The following RAD51B variants were observed in gnomAD, a reference collection of about 807,000 sequenced individuals.
RAD51B encodes the protein DNA repair protein RAD51 homolog 2.
Under a neutral mutation model 42.2 loss-of-function variants are expected in RAD51B, and 38 were observed. That is an observed-to-expected ratio of 0.90 (90% CI 0.70 to 1.18). The LOEUF is 1.18. Among genes scored for constraint, RAD51B ranks in the 50% most tolerant of loss-of-function variants. RAD51B has a pLI of 0.00. For missense variants in RAD51B, 373 were observed against 400.7 expected, an observed-to-expected ratio of 0.93 and a Z score of 0.59; for synonymous variants, 154 against 145.2, an observed-to-expected ratio of 1.06 and a Z score of -0.43.
intron 5 of RAD51B, among the ~76,000 whole-genome samples, chr14:67,883,304 TAA>T (rs35677863): frequency 6.5e-4 from 91 of 139,200 alleles, no homozygotes; most frequent in Non-Finnish European, 6.9e-4. Context: ...AAATAAAAGC[TAA>T]AAAAAAAAAA....
At chr14:68,654,734 A>G (rs1278608176) in intron 11 of RAD51B, among the ~76,000 whole-genome samples, 2 of 152,184 alleles carry the variant, frequency 1.3e-5, no homozygotes, top group South Asian at 2.1e-4. Context: ...TGCCAGCTCC[A>G]TGACCAGGCC....
chr14:68,411,522 A>T lies in RAD51B; in HGVS notation c.952A>T (p.Arg318Ter), dbSNP rs1195672168. ...LILQYLDSERRQILIAKSPLA... is the reference protein window; with the variant it reads ...LILQYLDSER ...CCTCCAGTACCTTGATTCAGAGAGA[A>T]GACAGGTGGGTGCTTTGACAGTATT... is the stretch of plus-strand genomic sequence containing the variant. Residue 318 changes from arginine to a stop codon, truncating the protein, a stop_gained, in exon 9 of 11, where the codon AGA becomes TGA. Transcript: ENST00000471583. LOFTEE classifies it high-confidence loss of function. 3 of 1,613,626 alleles carry T rather than the reference A, an allele frequency of 1.9e-6. No homozygotes were observed. The highest frequency in any genetic ancestry group is 2.5e-6 in the Non-Finnish European group (3 of 1,179,668).
chr14:68,072,254 TA>T (rs1368928809), intron 7 of RAD51B, among the ~76,000 whole-genome samples: 1 of 146,812 alleles, frequency 6.8e-6, no homozygotes, highest in Non-Finnish European at 1.5e-5. Flanking sequence ...TAATGCTTAA[TA>T]AACTGTATAT....
intron 8 of RAD51B, among the ~76,000 whole-genome samples, chr14:68,342,056 G>A (rs778683020): frequency 7.2e-5 from 11 of 151,904 alleles, no homozygotes; most frequent in Admixed American, 2.0e-4. Context: ...CAACTAATTA[G>A]TACTTCCTGT....
At chr14:68,311,325 T>A (rs1416848363) in intron 8 of RAD51B, among the ~76,000 whole-genome samples, 2 of 152,124 alleles carry the variant, frequency 1.3e-5, no homozygotes, top group Non-Finnish European at 2.9e-5. Flanking sequence ...TTTTAAAAAA[T>A]TTTCAGGAAA....
chr14:68,631,527 T>A (rs1892227096), intron 10 of RAD51B, among the ~76,000 whole-genome samples: 1 of 152,176 alleles, frequency 6.6e-6, no homozygotes, highest in South Asian at 2.1e-4. Context: ...CTAGAATGGA[T>A]GGAACTTGAC....
chr14:68,095,008 A>G (rs1251732697), intron 7 of RAD51B, among the ~76,000 whole-genome samples: 2 of 152,222 alleles, frequency 1.3e-5, no homozygotes, highest in Non-Finnish European at 2.9e-5. Flanking sequence ...ACCTGCCACA[A>G]GGCAGACTGA....
chr14:68,606,622 T>C (rs542607929), intron 10 of RAD51B, among the ~76,000 whole-genome samples: 26 of 152,346 alleles, frequency 1.7e-4, no homozygotes, highest in African/African-American at 5.8e-4. Context: ...TTCCCTGGGG[T>C]TCCTGACTTT....
chr14:68,326,672 A>G (rs1289103991), intron 8 of RAD51B, among the ~76,000 whole-genome samples: 1 of 152,258 alleles, frequency 6.6e-6, no homozygotes. Flanking sequence ...AGGAGTAGAC[A>G]TAAAATGAGC....
chr14:68,243,024 T>G (rs1024867431), intron 7 of RAD51B, among the ~76,000 whole-genome samples: 4 of 152,234 alleles, frequency 2.6e-5, no homozygotes, highest in African/African-American at 9.6e-5. Context: ...TGGCACCACA[T>G]TTTAATGTAT....
chr14:68,424,226 C>T (rs1268754620), intron 9 of RAD51B, among the ~76,000 whole-genome samples: 1 of 152,150 alleles, frequency 6.6e-6, no homozygotes, highest in Admixed American at 6.5e-5. Flanking sequence ...TGCAAAGTCA[C>T]TTTTCCACAT....
At chr14:68,567,882 C>T (rs547794232) in intron 10 of RAD51B, among the ~76,000 whole-genome samples, 17 of 152,300 alleles carry the variant, frequency 1.1e-4, no homozygotes, top group Non-Finnish European at 2.2e-4. Flanking sequence ...TACCATAGTG[C>T]CTGGCCTGTG....
intron 10 of RAD51B, among the ~76,000 whole-genome samples, chr14:68,629,315 G>A (rs1432718128): frequency 6.6e-6 from 1 of 152,204 alleles, no homozygotes; most frequent in Non-Finnish European, 1.5e-5. Context: ...CTGCAGAGGA[G>A]GAGTTTTTGC....
chr14:68,129,963 A>G (rs2077852124), intron 7 of RAD51B: 1 of 152,250 alleles, frequency 6.6e-6, no homozygotes, highest in African/African-American at 2.4e-5. Context: ...AACAACAGCC[A>G]TTTATTAGCT....
intron 7 of RAD51B, among the ~76,000 whole-genome samples, chr14:67,975,865 A>G (rs554581440): frequency 3.9e-5 from 6 of 152,352 alleles, no homozygotes; most frequent in Middle Eastern, 3.4e-3. Flanking sequence ...AGGCAGCTTT[A>G]GGGTAAACTT....
intron 8 of RAD51B, among the ~76,000 whole-genome samples, chr14:68,301,251 A>G (rs2081728036): frequency 6.6e-6 from 1 of 151,836 alleles, no homozygotes; most frequent in South Asian, 2.1e-4. Context: ...TTAAGGAGAC[A>G]AATGTTTTTT....
At chr14:67,912,379 G>C (rs1259304559) in intron 7 of RAD51B, among the ~76,000 whole-genome samples, 1 of 152,100 alleles carries the variant, frequency 6.6e-6, no homozygotes, top group African/African-American at 2.4e-5. Context: ...CATTATGCTA[G>C]GTATATGAAA....
chr14:68,134,169 T>A (rs1011405541), intron 7 of RAD51B, among the ~76,000 whole-genome samples: 1 of 152,186 alleles, frequency 6.6e-6, no homozygotes, highest in Non-Finnish European at 1.5e-5. Context: ...TCTGTAATCA[T>A]GTTATTTCAC....
At chr14:67,849,529 C>T (rs1389920526) in intron 4 of RAD51B, among the ~76,000 whole-genome samples, 1 of 152,170 alleles carries the variant, frequency 6.6e-6, no homozygotes, top group African/African-American at 2.4e-5. Flanking sequence ...GTGATCCTCC[C>T]ACCTCAGCCT....
Sources: allele counts gnomAD v4.1 joint callset (sites outside exome capture counted in the v4.1 genomes callset), GRCh38; gene constraint gnomAD v4.1.1; transcripts MANE v1.5; gene names NCBI Gene and HGNC (gene_info 2026-07-23, HGNC 2026-07-21).